REDIC1: variants seen among roughly 807,000 people sequenced by gnomAD.
The protein encoded by REDIC1 is HEI10 Interacting Protein 1.
the REDIC1 span, among the ~76,000 whole-genome samples, chr12:39,764,136 T>G: frequency 0.84 from 127,646 of 151,994 alleles, 53,850 homozygotes; most frequent in African/African-American, 0.89. Context: ...TGTTTTTTTT[T>G]TTTGTTTGTT....
chr12:39,633,616 A>G, the REDIC1 span, among the ~76,000 whole-genome samples: 2 of 152,202 alleles, frequency 1.3e-5, no homozygotes, highest in South Asian at 2.1e-4. Context: ...ATACTTTTAT[A>G]CCACTTACAG....
the REDIC1 span, among the ~76,000 whole-genome samples, chr12:39,747,000 A>C: frequency 5.9e-5 from 9 of 152,214 alleles, no homozygotes; most frequent in Middle Eastern, 3.2e-3. Context: ...AAAGCTGAAA[A>C]TTCTAAAAAT....
chr12:39,758,366 T>A, the REDIC1 span: 1 of 151,826 alleles, frequency 6.6e-6, no homozygotes. Context: ...ATTAAAAGAA[T>A]AGAGTATCTT....
the REDIC1 span, among the ~76,000 whole-genome samples, chr12:39,666,129 T>C: frequency 6.6e-6 from 1 of 152,232 alleles, no homozygotes. Flanking sequence ...AGAGAGGGCA[T>C]CCCTGTCTTG....
At chr12:39,854,924 C>T in the REDIC1 span, among the ~76,000 whole-genome samples, 6 of 152,194 alleles carry the variant, frequency 3.9e-5, no homozygotes, top group South Asian at 8.3e-4. Flanking sequence ...TCAGATCAAG[C>T]TCCCTCCTCT....
At chr12:39,703,341 C>T in the REDIC1 span, among the ~76,000 whole-genome samples, 86 of 150,404 alleles carry the variant, frequency 5.7e-4, no homozygotes, top group Non-Finnish European at 1.1e-3. Flanking sequence ...ACAATTGCTT[C>T]CAAGAGAATA....
chr12:39,885,490 C>T, the REDIC1 span, among the ~76,000 whole-genome samples: 1 of 152,066 alleles, frequency 6.6e-6, no homozygotes, highest in Non-Finnish European at 1.5e-5. Flanking sequence ...GTGGATGAAG[C>T]ACTTCTATGG....
the REDIC1 span, chr12:39,684,425 A>T: frequency 1.5e-5 from 4 of 275,194 alleles, no homozygotes; most frequent in Non-Finnish European, 2.2e-5. Flanking sequence ...TGGAATTATT[A>T]AAAATATTGA....
chr12:39,739,313 C>A, the REDIC1 span, among the ~76,000 whole-genome samples: 8 of 152,106 alleles, frequency 5.3e-5, no homozygotes, highest in Non-Finnish European at 1.2e-4. Flanking sequence ...TTGAGACAGC[C>A]CCTTTCTCAA....
chr12:39,668,121 T>G, the REDIC1 span, among the ~76,000 whole-genome samples: 4 of 152,054 alleles, frequency 2.6e-5, no homozygotes, highest in East Asian at 3.9e-4. Context: ...GATGTTAGCT[T>G]GTTATTTTGC....
the REDIC1 span, among the ~76,000 whole-genome samples, chr12:39,703,204 T>A: frequency 6.6e-6 from 1 of 151,856 alleles, no homozygotes; most frequent in Non-Finnish European, 1.5e-5. Context: ...CAGCCCAAAA[T>A]CTCCTTAAGC....
the REDIC1 span, among the ~76,000 whole-genome samples, chr12:39,778,002 C>T: frequency 2.0e-5 from 3 of 152,154 alleles, no homozygotes; most frequent in Non-Finnish European, 4.4e-5. Flanking sequence ...CCCTGTAACA[C>T]ACGCCCACTG....
chr12:39,655,353 A>G, the REDIC1 span, among the ~76,000 whole-genome samples: 1 of 152,072 alleles, frequency 6.6e-6, no homozygotes, highest in Admixed American at 6.5e-5. Flanking sequence ...TACTGCTTAG[A>G]TGTCAACTAA....
the REDIC1 span, among the ~76,000 whole-genome samples, chr12:39,686,942 C>G: frequency 6.6e-6 from 1 of 152,162 alleles, no homozygotes; most frequent in Non-Finnish European, 1.5e-5. Flanking sequence ...CCACAGATCC[C>G]TAGGGCAGGG....
At chr12:39,715,898 T>C in the REDIC1 span, among the ~76,000 whole-genome samples, 1 of 151,944 alleles carries the variant, frequency 6.6e-6, no homozygotes, top group Non-Finnish European at 1.5e-5. Context: ...TTCACTTTTG[T>C]GCACTCTACT....
chr12:39,719,630 A>C, the REDIC1 span, among the ~76,000 whole-genome samples: 3 of 152,096 alleles, frequency 2.0e-5, no homozygotes, highest in Non-Finnish European at 4.4e-5. Flanking sequence ...ATAAAAAAAA[A>C]TCACCAATAA....
At chr12:39,829,963 AC>A in the REDIC1 span, 1 of 1,035,760 alleles carries the variant, frequency 9.7e-7, no homozygotes. Context: ...ATCCACTATC[AC>A]CAGTATATGC....
At chr12:39,741,928 A>T in the REDIC1 span, among the ~76,000 whole-genome samples, 1 of 152,210 alleles carries the variant, frequency 6.6e-6, no homozygotes, top group Non-Finnish European at 1.5e-5. Flanking sequence ...GATGTGACTT[A>T]ACCCTTGCCT....
the REDIC1 span, chr12:39,684,740 A>G: frequency 1.6e-6 from 1 of 636,102 alleles, no homozygotes; most frequent in Non-Finnish European, 2.7e-6. Flanking sequence ...GAGCTTATGA[A>G]TCTTTATTTT....
Sources: allele counts gnomAD v4.1 joint callset (sites outside exome capture counted in the v4.1 genomes callset), GRCh38; gene constraint gnomAD v4.1.1; transcripts MANE v1.5; gene names NCBI Gene and HGNC (gene_info 2026-07-23, HGNC 2026-07-21).